The following AGFG1 variants were observed in gnomAD, a reference collection of about 807,000 sequenced individuals.
AGFG1 encodes arf-GAP domain and FG repeat-containing protein 1.
AGFG1 carries 10 observed loss-of-function variants against 60.6 expected under a neutral mutation model. That is an observed-to-expected ratio of 0.16 (90% CI 0.10 to 0.28). AGFG1 has a LOEUF of 0.28. Ranked by LOEUF, AGFG1 falls within the 10% of genes least tolerant of loss-of-function variation. The pLI, the probability that AGFG1 is intolerant of heterozygous loss-of-function variation, is 1.00. For synonymous variants in AGFG1, 247 were observed against 242.9 expected (o/e 1.02, Z -0.16); for missense variants, 537 against 676.5 (o/e 0.79, Z 2.29).
At chr2:227,551,341 G>A (rs1018039434) in intron 10 of AGFG1, among the ~76,000 whole-genome samples, 7 of 152,046 alleles carry the variant, frequency 4.6e-5, no homozygotes, top group African/African-American at 1.4e-4. Flanking sequence ...TGTGTGTATG[G>A]AATTGATTTA....
chr2:227,533,727 T>G lies in AGFG1; in HGVS notation c.993T>G (p.Ala331=), dbSNP rs1167030108. 4.3e-6 allele frequency: 7 copies of G among 1,613,746 alleles called. No individual in the cohort carries two copies. The highest frequency in any genetic ancestry group is 5.9e-6 in the Non-Finnish European group (7 of 1,179,742). The part of the protein sequence containing the change: ...LQTADKYAAL[A]NLDNIFSAGQ... The stretch of plus-strand genomic sequence containing the variant: ...CTGCAGACAAATATGCAGCACTTGC[T>G]AATTTAGACAATATCTTCAGTGCCG... Residue 331 remains alanine (A), a synonymous_variant, in exon 7 of 13, where the codon GCT becomes GCG. Coordinates refer to ENST00000310078, the MANE Select transcript of AGFG1 (RefSeq NM_004504.5).
intron 2 of AGFG1, among the ~76,000 whole-genome samples, chr2:227,501,481 A>C (rs1691153248): frequency 6.6e-6 from 1 of 152,248 alleles, no homozygotes; most frequent in South Asian, 2.1e-4. Flanking sequence ...CTTTTGGATG[A>C]GTTTTGATCA....
intron 1 of AGFG1, among the ~76,000 whole-genome samples, chr2:227,482,596 A>G (rs1442658629): frequency 1.3e-5 from 2 of 152,238 alleles, no homozygotes; most frequent in Non-Finnish European, 2.9e-5. Context: ...TGGCAACTAC[A>G]TAAACTTCCA....
chr2:227,486,061 G>C (rs1387656180), intron 1 of AGFG1, among the ~76,000 whole-genome samples: 1 of 152,130 alleles, frequency 6.6e-6, no homozygotes, highest in Non-Finnish European at 1.5e-5. Flanking sequence ...GGGATCCTAG[G>C]ATCCTATGTA....
intron 7 of AGFG1, 98 bp downstream of exon 7, chr2:227,533,856 G>A: frequency 8.6e-7 from 1 of 1,157,524 alleles, no homozygotes; most frequent in Non-Finnish European, 1.2e-6. Flanking sequence ...ACTTTTCTCA[G>A]TTGTTGTATA....
chr2:227,547,069 T>G (rs545914807), intron 10 of AGFG1, among the ~76,000 whole-genome samples: 2 of 152,372 alleles, frequency 1.3e-5, no homozygotes, highest in South Asian at 4.1e-4. Context: ...GAACCAACAC[T>G]GTTTTTGTTC....
intron 1 of AGFG1, 33 bp from the exon 2 acceptor site, chr2:227,491,514 C>G (rs748564800): frequency 9.4e-6 from 13 of 1,376,418 alleles, no homozygotes; most frequent in African/African-American, 1.5e-5. Context: ...GTGGTATGTA[C>G]TAGTAAATTT....
intron 1 of AGFG1, among the ~76,000 whole-genome samples, chr2:227,489,394 G>A (rs748091781): frequency 1.3e-5 from 2 of 149,150 alleles, no homozygotes; most frequent in South Asian, 2.1e-4. Context: ...CCTAATTTTC[G>A]TATTTTTAGT....
Position 227,557,252 on chromosome 2 carries a change from C to T in AGFG1, c.*2757C>T, listed in dbSNP as rs1174420387. The T allele has an allele frequency of 6.6e-6, 1 of 152,002 alleles. No individual in the cohort carries two copies. Among genetic ancestry groups the T allele is most frequent in the Non-Finnish European group, 1.5e-5 (1 of 68,000 alleles). The allele number at this position is 152,002 out of a possible 1,614,324, so 9.4% of individuals were successfully genotyped here. A position where few individuals can be genotyped will look rare whatever the true frequency, so the allele number is the denominator to read the frequency against. On this transcript the variant is annotated 3_prime_UTR_variant, in exon 13 of 13. Coordinates refer to ENST00000310078, the MANE Select transcript of AGFG1 (RefSeq NM_004504.5). The stretch of plus-strand genomic sequence containing the variant: ...TTGACATAGTTTAAAGACATTTTTT[C>T]CCCATTTTTTGAAATAGAGAATATT...
At chr2:227,551,748 T>C (rs540943508) in intron 10 of AGFG1, among the ~76,000 whole-genome samples, 2 of 152,344 alleles carry the variant, frequency 1.3e-5, no homozygotes, top group Non-Finnish European at 2.9e-5. Context: ...ATTCTGGTCA[T>C]TGTGTTTTAG....
At position 227,554,588 on chromosome 2, in the gene AGFG1, C is replaced by T; in HGVS notation, c.*93C>T. On this transcript the variant is annotated 3_prime_UTR_variant, in exon 13 of 13. Transcript: ENST00000310078. The stretch of plus-strand genomic sequence containing the variant: ...TGTTGTCTTGTTTCACTGATCTTAG[C>T]TTTAAACACAAGAGAAGTCTTTAAA... 9.2e-7 allele frequency: 1 copy of T among 1,091,778 alleles called. No homozygotes were observed. The highest frequency in any genetic ancestry group is 1.5e-5 in the South Asian group (1 of 65,628). 67.6% of individuals were successfully genotyped at this position (1,091,778 alleles called of 1,614,324 possible). A position where few individuals can be genotyped will look rare whatever the true frequency, so the allele number is the denominator to read the frequency against.
chr2:227,504,070 T>A (rs1234092480), intron 2 of AGFG1, among the ~76,000 whole-genome samples: 9 of 152,070 alleles, frequency 5.9e-5, no homozygotes, highest in Admixed American at 5.2e-4. Context: ...GGAAGTAGAT[T>A]GTGTTCAGTA....
At chr2:227,496,090 G>A (rs1479281620) in intron 2 of AGFG1, among the ~76,000 whole-genome samples, 1 of 142,724 alleles carries the variant, frequency 7.0e-6, no homozygotes, top group East Asian at 2.0e-4. Context: ...TTCAGCCTGG[G>A]CAACAGAGTG....
chr2:227,517,350 C>G (rs1363492779), intron 2 of AGFG1, among the ~76,000 whole-genome samples: 5 of 152,200 alleles, frequency 3.3e-5, no homozygotes, highest in Non-Finnish European at 7.4e-5. Context: ...ACTGCAACCT[C>G]TGACTCCCGG....
At chr2:227,537,116 GAGT>G in intron 10 of AGFG1, 123 bp downstream of exon 10, 2 of 744,236 alleles carry the variant, frequency 2.7e-6, no homozygotes, top group South Asian at 4.3e-5. Flanking sequence ...ATGGATAGAA[GAGT>G]TTGTCCATAA....
At position 227,554,904 on chromosome 2, in the gene AGFG1, G is replaced by T. The variant is rs1370881154; in HGVS notation, c.*409G>T. ...TTTTAAGGTGCTGTCATATATCTTGGAATGAATGACCTAAAATCATTTTAA... is the reference window on the plus strand; with the variant it reads ...TTTTAAGGTGCTGTCATATATCTTGTAATGAATGACCTAAAATCATTTTAA... On this transcript the variant is annotated 3_prime_UTR_variant, in exon 13 of 13. Transcript: ENST00000310078. The T allele has an allele frequency of 6.5e-6, 1 of 154,018 alleles. No homozygotes were observed. The highest frequency in any genetic ancestry group is 2.4e-5 in the African/African-American group (1 of 41,478). 9.5% of individuals were successfully genotyped at this position (154,018 alleles called of 1,614,324 possible).
At chr2:227,516,830 A>C (rs1559182700) in intron 2 of AGFG1, among the ~76,000 whole-genome samples, 2 of 152,196 alleles carry the variant, frequency 1.3e-5, no homozygotes, top group African/African-American at 2.4e-5. Context: ...TAAAGTGTCC[A>C]TCAAATACAG....
chr2:227,543,968 G>A (rs1280398120), intron 10 of AGFG1, among the ~76,000 whole-genome samples: 2 of 151,996 alleles, frequency 1.3e-5, no homozygotes, highest in Non-Finnish European at 2.9e-5. Flanking sequence ...TTGGTTTAAA[G>A]TCTGTTTTAT....
chr2:227,526,280 G>A (rs972147168), intron 5 of AGFG1, among the ~76,000 whole-genome samples: 2 of 151,968 alleles, frequency 1.3e-5, no homozygotes, highest in East Asian at 1.9e-4. Flanking sequence ...TGCGACCTCC[G>A]CCACCTGGGT....
Sources: allele counts gnomAD v4.1 joint callset (sites outside exome capture counted in the v4.1 genomes callset), GRCh38; gene constraint gnomAD v4.1.1; transcripts MANE v1.5; gene names NCBI Gene and HGNC (gene_info 2026-07-23, HGNC 2026-07-21).